The following RABGAP1L variants were observed in gnomAD, a reference collection of about 807,000 sequenced individuals.
The protein encoded by RABGAP1L is RAB GTPase activating protein 1 like.
Under a neutral mutation model 137.7 loss-of-function variants are expected in RABGAP1L, and 63 were observed. That is an observed-to-expected ratio of 0.46 (90% confidence interval 0.37 to 0.56). RABGAP1L has a LOEUF of 0.56. RABGAP1L is among the 20% of genes least tolerant of loss of function. The pLI, the probability that RABGAP1L is intolerant of heterozygous loss-of-function variation, is 0.00. For missense variants in RABGAP1L, 1,095 were observed against 1,244.0 expected (o/e 0.88, Z 1.80); for synonymous variants, 431 against 433.7 (o/e 0.99, Z 0.08).
intron 13 of RABGAP1L, among the ~76,000 whole-genome samples, chr1:174,567,372 A>G (rs529095865): frequency 1.9e-4 from 29 of 152,270 alleles, no homozygotes; most frequent in African/African-American, 6.7e-4. Flanking sequence ...TTATGACTGA[A>G]TATTATTCTG....
At position 174,850,016 on chromosome 1, in the gene RABGAP1L, CTTA is replaced by C. The variant is rs1647985224; in HGVS notation, c.2340+38057_2340+38059del. The C allele has an allele frequency of 4.6e-6, 3 of 650,946 alleles. No homozygotes were observed. In the Admixed American group the frequency reaches 5.7e-5, roughly 12 times the overall value. 40.3% of individuals were successfully genotyped at this position (650,946 alleles called of 1,614,324 possible). A position where few individuals can be genotyped will look rare whatever the true frequency, so the allele number is the denominator to read the frequency against. On this transcript the variant is annotated intron_variant, in intron 19 of 25. Coordinates refer to ENST00000681986, the MANE Select transcript of RABGAP1L (RefSeq NM_001366446.1). ...TGTCATCTTTATGAGCAATCTCTCC[CTTA>C]ATTTCTGGATAGAAACTAATCTGCT... is the stretch of plus-strand genomic sequence containing the variant.
chr1:174,268,202 A>ATTTTT (rs371429395), intron 7 of RABGAP1L, among the ~76,000 whole-genome samples: 1 of 137,212 alleles, frequency 7.3e-6, no homozygotes, highest in Non-Finnish European at 1.6e-5. Flanking sequence ...TCACTTTTTC[A>ATTTTT]TTTTTTTTTT....
intron 14 of RABGAP1L, among the ~76,000 whole-genome samples, chr1:174,668,667 A>G (rs1220560762): frequency 6.6e-6 from 1 of 152,070 alleles, no homozygotes; most frequent in African/African-American, 2.4e-5. Context: ...TCGAATTTTA[A>G]TTTTTTGAGG....
chr1:174,553,911 G>A (rs1666712588), intron 13 of RABGAP1L, among the ~76,000 whole-genome samples: 1 of 152,124 alleles, frequency 6.6e-6, no homozygotes, highest in Admixed American at 6.5e-5. Flanking sequence ...TAGAATTTGG[G>A]CCGGGGAGGT....
chr1:174,218,754 G>A (rs1669533416), intron 1 of RABGAP1L, among the ~76,000 whole-genome samples: 1 of 152,056 alleles, frequency 6.6e-6, no homozygotes, highest in Admixed American at 6.6e-5. Flanking sequence ...GTGTCTGTGT[G>A]TGCATTTGTA....
intron 18 of RABGAP1L, among the ~76,000 whole-genome samples, chr1:174,788,078 C>T (rs745973216): frequency 4.6e-5 from 7 of 152,218 alleles, no homozygotes; most frequent in Non-Finnish European, 7.3e-5. Context: ...TCACTTATGG[C>T]ATTTAGTGAT....
At chr1:174,540,473 A>G (rs1665288517) in intron 13 of RABGAP1L, among the ~76,000 whole-genome samples, 1 of 152,168 alleles carries the variant, frequency 6.6e-6, no homozygotes, top group Non-Finnish European at 1.5e-5. Context: ...TTTTTGTATA[A>G]GGTATACGGA....
chr1:174,720,384 A>C (rs910160443), intron 17 of RABGAP1L, among the ~76,000 whole-genome samples: 2 of 151,534 alleles, frequency 1.3e-5, no homozygotes, highest in Non-Finnish European at 2.9e-5. Flanking sequence ...GCTCACTGCA[A>C]CCTCTGCCTA....
chr1:174,371,610 A>T (rs192541048), intron 12 of RABGAP1L, among the ~76,000 whole-genome samples: 19 of 152,220 alleles, frequency 1.2e-4, no homozygotes. Context: ...TATATTAAGT[A>T]CTTTTTATAT....
intron 18 of RABGAP1L, among the ~76,000 whole-genome samples, chr1:174,766,067 C>T (rs1421039021): frequency 6.6e-6 from 1 of 152,072 alleles, no homozygotes; most frequent in African/African-American, 2.4e-5. Flanking sequence ...TCCAATATAA[C>T]TAGTATCCTT....
chr1:174,834,325 C>G (rs1363931027), intron 19 of RABGAP1L, among the ~76,000 whole-genome samples: 1 of 151,238 alleles, frequency 6.6e-6, no homozygotes, highest in Non-Finnish European at 1.5e-5. Flanking sequence ...ACTTGGGAGG[C>G]TGAGGCAGGA....
chr1:174,219,322 A>G (rs1669580690), intron 2 of RABGAP1L, 27 bp downstream of exon 2: 5 of 1,414,260 alleles, frequency 3.5e-6, no homozygotes, highest in Non-Finnish European at 4.7e-6. Context: ...TACATATGGT[A>G]TAATTTTTAA....
chr1:174,227,757 A>G (rs1670304703), intron 3 of RABGAP1L, among the ~76,000 whole-genome samples: 1 of 152,078 alleles, frequency 6.6e-6, no homozygotes, highest in Non-Finnish European at 1.5e-5. Flanking sequence ...CACTTTATGT[A>G]CATTGTAAGG....
At chr1:174,571,529 T>C (rs1444417384) in intron 13 of RABGAP1L, among the ~76,000 whole-genome samples, 1 of 151,950 alleles carries the variant, frequency 6.6e-6, no homozygotes, top group Non-Finnish European at 1.5e-5. Flanking sequence ...AACATCTCAA[T>C]TACCCCATAA....
chr1:174,476,842 A>G (rs1468364315), intron 13 of RABGAP1L, among the ~76,000 whole-genome samples: 1 of 152,224 alleles, frequency 6.6e-6, no homozygotes, highest in Non-Finnish European at 1.5e-5. Flanking sequence ...GATGTGCAGA[A>G]GCATTTCCTT....
intron 19 of RABGAP1L, among the ~76,000 whole-genome samples, chr1:174,827,203 G>A (rs1225422834): frequency 6.6e-6 from 1 of 152,078 alleles, no homozygotes; most frequent in African/African-American, 2.4e-5. Context: ...GCTAGTCACA[G>A]GTGTGATTAT....
At chr1:174,518,605 G>T (rs1027810751) in intron 13 of RABGAP1L, among the ~76,000 whole-genome samples, 1 of 152,098 alleles carries the variant, frequency 6.6e-6, no homozygotes, top group Non-Finnish European at 1.5e-5. Context: ...CTCCTCTTGG[G>T]TGTTAAATAT....
chr1:174,467,536 T>C (rs1472156008), intron 13 of RABGAP1L, among the ~76,000 whole-genome samples: 1 of 152,128 alleles, frequency 6.6e-6, no homozygotes, highest in Non-Finnish European at 1.5e-5. Context: ...GAAATAACGT[T>C]TCTACTAAAT....
intron 13 of RABGAP1L, among the ~76,000 whole-genome samples, chr1:174,569,148 TAAC>T (rs1202671389): frequency 6.6e-6 from 1 of 152,202 alleles, no homozygotes; most frequent in East Asian, 1.9e-4. Context: ...TTCCCCATAC[TAAC>T]AACATTTTCA....
Sources: allele counts gnomAD v4.1 joint callset (sites outside exome capture counted in the v4.1 genomes callset), GRCh38; gene constraint gnomAD v4.1.1; transcripts MANE v1.5; gene names NCBI Gene and HGNC (gene_info 2026-07-23, HGNC 2026-07-21).